RCC2: variants seen among roughly 807,000 people sequenced by gnomAD.
RCC2 encodes protein RCC2.
A neutral mutation model predicts 64.1 loss-of-function variants in RCC2; 19 were observed. The ratio of observed to expected loss-of-function variants is 0.30; its 90% CI spans 0.21 to 0.44. The LOEUF (loss-of-function observed/expected upper bound fraction) is 0.44. Among genes scored for constraint, RCC2 ranks in the 20% least tolerant of loss-of-function variants. The pLI, the probability that RCC2 is intolerant of heterozygous loss-of-function variation, is 1.00. For missense variants in RCC2, 508 were observed against 710.4 expected (o/e 0.72, Z 3.24); for synonymous variants, 325 against 279.6 (o/e 1.16, Z -1.62).
rs758217920 is a variant in RCC2 at position 17,409,191 on chromosome 1, C to T, written c.1468G>A (p.Ala490Thr). 1.5e-5 allele frequency: 24 copies of T among 1,608,430 alleles called. No individual in the cohort carries two copies. The highest frequency in any genetic ancestry group is 3.3e-4 in the Middle Eastern group (2 of 6,076). The change falls in exon 13 of 13, where the codon GCC becomes ACC. Residue 490 changes from alanine to threonine, a missense_variant. Coordinates refer to ENST00000375436, the MANE Select transcript of RCC2 (RefSeq NM_018715.4). ...ACCAAGGAGTGTGAGTAGCCCATGG[C>T]GACCTGGGGGGACAAATCAGCGTTG... Reference protein sequence around the residue: ...TLDGIFSEQVAMGYSHSLVIA... With the variant: ...TLDGIFSEQVTMGYSHSLVIA...
chr1:17,431,328 C>T (rs1453702517), intron 2 of RCC2, among the ~76,000 whole-genome samples: 4 of 45,476 alleles, frequency 8.8e-5, no homozygotes, highest in Non-Finnish European at 1.7e-4. Context: ...AGCAAGACTC[C>T]ATCTCAAAAA....
intron 10 of RCC2, 22 bp from the exon 11 acceptor site, chr1:17,412,216 C>G: frequency 6.2e-7 from 1 of 1,613,508 alleles, no homozygotes; most frequent in South Asian, 1.1e-5. Flanking sequence ...CAGGCTGTCA[C>G]TGCAGGGCCA....
intron 12 of RCC2, 134 bp downstream of exon 12, chr1:17,409,840 C>T (rs535787124): frequency 5.4e-5 from 41 of 763,152 alleles, no homozygotes; most frequent in Non-Finnish European, 7.3e-5. Context: ...CAAATCTTAG[C>T]GTGAGACACC....
rs1027203159 is a variant in RCC2 at position 17,409,095 on chromosome 1, G to A, written c.1564C>T (p.Leu522Phe). 1 of 1,610,192 alleles carries A rather than the reference G, an allele frequency of 6.2e-7. No individual in the cohort carries two copies. The highest frequency in any genetic ancestry group is 8.5e-7 in the Non-Finnish European group (1 of 1,176,516). ...CGGAGGAGTCTCCGGGAGCATCAGA[G>A]GGTTCGGGGGTTGTATTCTGGCAGT... ...KKLPEYNPRT[L>F] The change falls in exon 13 of 13, where the codon CTC becomes TTC. Residue 522 changes from leucine to phenylalanine, a missense_variant. By Grantham distance (22) the Leu-to-Phe change is conservative. This residue lies in a region of RCC2 where 179 missense variants were observed against 322.0 expected (regional missense o/e 0.56). Coordinates refer to ENST00000375436, the MANE Select transcript of RCC2 (RefSeq NM_018715.4).
chr1:17,426,286 T>C (rs1331719010), intron 3 of RCC2, among the ~76,000 whole-genome samples: 2 of 152,114 alleles, frequency 1.3e-5, no homozygotes, highest in Non-Finnish European at 2.9e-5. Context: ...ATCAGGCCCC[T>C]TGAGGAGGGG....
intron 10 of RCC2, 39 bp downstream of exon 10, chr1:17,413,034 G>A: frequency 6.8e-7 from 1 of 1,475,674 alleles, no homozygotes; most frequent in Non-Finnish European, 9.5e-7. Flanking sequence ...CCCCATGAAA[G>A]GAAGAGACCT....
chr1:17,430,692 G>A (rs541159722), intron 2 of RCC2, among the ~76,000 whole-genome samples: 41 of 152,030 alleles, frequency 2.7e-4, no homozygotes, highest in Non-Finnish European at 4.9e-4. Flanking sequence ...AGAGGCTGAG[G>A]TAGAAGAATC....
At chr1:17,409,883 C>T (rs2075406047) in intron 12 of RCC2, 91 bp downstream of exon 12, 3 of 1,148,352 alleles carry the variant, frequency 2.6e-6, no homozygotes, top group South Asian at 2.5e-5. Context: ...AACAAGACAA[C>T]CCAAACAGAC....
At chr1:17,433,772 G>A (rs1240815601) in intron 2 of RCC2, among the ~76,000 whole-genome samples, 1 of 152,164 alleles carries the variant, frequency 6.6e-6, no homozygotes, top group Non-Finnish European at 1.5e-5. Context: ...AATGCAAGGT[G>A]CGCGTTTACG....
At chr1:17,424,251 A>G (rs1040977131) in intron 4 of RCC2, among the ~76,000 whole-genome samples, 1 of 152,214 alleles carries the variant, frequency 6.6e-6, no homozygotes, top group Non-Finnish European at 1.5e-5. Context: ...CCCTGTCCTC[A>G]CCAACTGCAC....
chr1:17,428,482 T>C (rs1193637864), intron 3 of RCC2, among the ~76,000 whole-genome samples: 1 of 152,238 alleles, frequency 6.6e-6, no homozygotes, highest in East Asian at 1.9e-4. Context: ...AAAGCAATGC[T>C]GGAAAGCACT....
rs2075607302 is a variant in RCC2 at position 17,425,656 on chromosome 1, C to T, written c.408G>A (p.Leu136=). Residue 136 remains leucine (L), a synonymous_variant, in exon 4 of 13, where the codon TTG becomes TTA. Coordinates refer to ENST00000375436, the MANE Select transcript of RCC2 (RefSeq NM_018715.4). ...QAAYRNLGQN[L]WGPHRYGCLA... ...GGCACCCATATCTGTGGGGCCCCCA[C>T]AAATTCTGACCGAGATTGCGGTAAG... 1 of 1,613,216 alleles carries T rather than the reference C, an allele frequency of 6.2e-7. No individual in the cohort carries two copies.
At chr1:17,415,809 C>T (rs1475400769) in intron 8 of RCC2, among the ~76,000 whole-genome samples, 1 of 151,848 alleles carries the variant, frequency 6.6e-6, no homozygotes, top group Middle Eastern at 3.4e-3. Context: ...TGGCTCACAC[C>T]TGTAATCCCA....
At chr1:17,427,221 G>C (rs185374693) in intron 3 of RCC2, among the ~76,000 whole-genome samples, 50 of 152,312 alleles carry the variant, frequency 3.3e-4, no homozygotes, top group African/African-American at 1.2e-3. Flanking sequence ...TGCCTAGAAA[G>C]TATCTGTGAA....
intron 6 of RCC2, among the ~76,000 whole-genome samples, chr1:17,421,254 T>C (rs1291012550): frequency 6.6e-6 from 1 of 151,812 alleles, no homozygotes; most frequent in Non-Finnish European, 1.5e-5. Context: ...CCCAGCACTT[T>C]GGGAGGCCGA....
intron 8 of RCC2, among the ~76,000 whole-genome samples, chr1:17,415,912 T>C (rs2075477682): frequency 6.7e-6 from 1 of 149,092 alleles, no homozygotes; most frequent in Non-Finnish European, 1.5e-5. Flanking sequence ...CTACTGAAAA[T>C]ACAAAACTAG....
At position 17,422,303 on chromosome 1, in the gene RCC2, G is replaced by C. The variant is rs1357272707; in HGVS notation, c.656-12C>G. ...CACGGAGCCCGTTTCTGGAAGAAAG[G>C]AAAAATATCACAAAAGGGAAGATAA... On this transcript the variant is annotated splice_polypyrimidine_tract_variant and intron_variant, in intron 5 of 12. Transcript: ENST00000375436. 1.2e-6 allele frequency: 2 copies of C among 1,600,770 alleles called. No individual in the cohort carries two copies. The highest frequency in any genetic ancestry group is 1.7e-6 in the Non-Finnish European group (2 of 1,170,720).
Position 17,438,250 on chromosome 1 carries a change from C to T in RCC2, c.265G>A (p.Glu89Lys). Residue 89 changes from glutamate (E) to lysine (K), a missense_variant, in exon 2 of 13, where the codon GAG (glutamate) becomes AAG (lysine). Glu to Lys is a moderately conservative substitution (Grantham distance 56). Coordinates refer to ENST00000375436, the MANE Select transcript of RCC2 (RefSeq NM_018715.4). ...GGAAVVITEPEHTKERVKLEG... is the reference protein window; with the variant it reads ...GGAAVVITEPKHTKERVKLEG... The stretch of plus-strand genomic sequence containing the variant: ...CTCACGACGCGCTCCTTGGTGTGCT[C>T]GGGTTCGGTGATGACCACGGCCGCG... 9.0e-6 allele frequency: 12 copies of T among 1,330,696 alleles called. No individual in the cohort carries two copies. The highest frequency in any genetic ancestry group is 1.2e-5 in the Non-Finnish European group (12 of 1,021,554). 82.4% of individuals were successfully genotyped at this position (1,330,696 alleles called of 1,614,324 possible). A position where few individuals can be genotyped will look rare whatever the true frequency, so the allele number is the denominator to read the frequency against.
chr1:17,429,345 C>T (rs1389634213), intron 2 of RCC2, 146 bp from the exon 3 acceptor site: 5 of 662,198 alleles, frequency 7.6e-6, no homozygotes, highest in African/African-American at 3.6e-5. Flanking sequence ...AGAGTCTCCC[C>T]ACACTCCCCT....
Sources: allele counts gnomAD v4.1 joint callset (sites outside exome capture counted in the v4.1 genomes callset), GRCh38; gene constraint gnomAD v4.1.1; regional missense constraint gnomAD v4.1.1; transcripts MANE v1.5; gene names NCBI Gene and HGNC (gene_info 2026-07-23, HGNC 2026-07-21).